The following TMEM87A variants were observed in gnomAD, a reference collection of about 807,000 sequenced individuals.
TMEM87A encodes the protein transmembrane protein 87A.
TMEM87A carries 50 observed loss-of-function variants against 90.0 expected under a neutral mutation model. The ratio of observed to expected loss-of-function variants is 0.56; its 90% CI spans 0.44 to 0.70. TMEM87A has a LOEUF of 0.70. TMEM87A is among the 30% of genes least tolerant of loss of function. The pLI is 0.00. For synonymous variants in TMEM87A, 226 were observed against 226.7 expected (o/e 1.00, Z 0.03); for missense variants, 577 against 660.5 (o/e 0.87, Z 1.39).
chr15:42,239,284 G>A (rs1289732513), intron 8 of TMEM87A, among the ~76,000 whole-genome samples: 5 of 152,142 alleles, frequency 3.3e-5, no homozygotes, highest in African/African-American at 1.2e-4. Context: ...CAAGTGATCT[G>A]CCCGCCTCAG....
intron 17 of TMEM87A, among the ~76,000 whole-genome samples, chr15:42,218,706 T>C (rs2050422537): frequency 6.6e-6 from 1 of 152,190 alleles, no homozygotes; most frequent in African/African-American, 2.4e-5. Flanking sequence ...CATAGTATCT[T>C]CCAGGCTTCT....
At chr15:42,218,191 G>C in intron 18 of TMEM87A, 132 bp downstream of exon 18, 3 of 909,852 alleles carry the variant, frequency 3.3e-6, no homozygotes, top group Non-Finnish European at 5.0e-6. Context: ...TTTTGTTTGC[G>C]GATTATTCCT....
intron 11 of TMEM87A, among the ~76,000 whole-genome samples, chr15:42,232,671 A>G (rs1191095192): frequency 2.7e-5 from 4 of 150,592 alleles, no homozygotes; most frequent in Non-Finnish European, 5.9e-5. Flanking sequence ...TTTAGTAGAG[A>G]CAGGGTTTCA....
At chr15:42,229,753 C>G (rs1030204634) in intron 12 of TMEM87A, among the ~76,000 whole-genome samples, 1 of 152,120 alleles carries the variant, frequency 6.6e-6, no homozygotes, top group Non-Finnish European at 1.5e-5. Context: ...GAACATTATT[C>G]TCAAGTAGAA....
chr15:42,213,861 A>C (rs1010773214), intron 19 of TMEM87A, among the ~76,000 whole-genome samples: 1 of 152,220 alleles, frequency 6.6e-6, no homozygotes, highest in Non-Finnish European at 1.5e-5. Context: ...AACATGGCCC[A>C]AACAAAGGAA....
intron 6 of TMEM87A, among the ~76,000 whole-genome samples, chr15:42,250,421 C>T (rs1488565298): frequency 2.6e-5 from 4 of 152,098 alleles, no homozygotes; most frequent in Non-Finnish European, 4.4e-5. Flanking sequence ...TTCCTTTCCA[C>T]GTTTAGTGCT....
At chr15:42,238,809 G>C (rs1224382353) in intron 8 of TMEM87A, among the ~76,000 whole-genome samples, 2 of 139,382 alleles carry the variant, frequency 1.4e-5, no homozygotes, top group Non-Finnish European at 3.1e-5. Flanking sequence ...AAATTATATA[G>C]ATGAAGACAA....
intron 15 of TMEM87A, among the ~76,000 whole-genome samples, chr15:42,222,652 G>A (rs567197190): frequency 7.2e-5 from 11 of 151,952 alleles, no homozygotes; most frequent in East Asian, 1.9e-4. Context: ...TCCGCCTCCC[G>A]GGTTCAAGCA....
chr15:42,234,768 CA>C (rs1419151706), intron 10 of TMEM87A, among the ~76,000 whole-genome samples: 1 of 152,130 alleles, frequency 6.6e-6, no homozygotes, highest in African/African-American at 2.4e-5. Flanking sequence ...ATCTCTTCAC[CA>C]AAACTATCAC....
intron 8 of TMEM87A, 79 bp from the exon 9 acceptor site, chr15:42,237,694 CTTTT>C: frequency 1.3e-6 from 1 of 789,040 alleles, no homozygotes. Context: ...TCAATATATA[CTTTT>C]TTTTTTTTTT....
chr15:42,260,915 C>T, intron 6 of TMEM87A, 43 bp downstream of exon 6: 1 of 1,582,252 alleles, frequency 6.3e-7, no homozygotes, highest in Non-Finnish European at 8.6e-7. Flanking sequence ...TTTAAGAAAA[C>T]TAAAATATGT....
intron 19 of TMEM87A, 95 bp downstream of exon 19, chr15:42,217,708 T>C (rs1372482940): frequency 8.0e-7 from 1 of 1,247,910 alleles, no homozygotes; most frequent in East Asian, 2.3e-5. Context: ...AGGCCACTAC[T>C]GAGTCAAATA....
intron 6 of TMEM87A, among the ~76,000 whole-genome samples, chr15:42,248,613 T>C (rs558349771): frequency 6.6e-6 from 1 of 152,284 alleles, no homozygotes; most frequent in East Asian, 1.9e-4. Context: ...TGAACCACCC[T>C]TGCATCCCAG....
chr15:42,253,263 T>C (rs2051118360), intron 6 of TMEM87A, among the ~76,000 whole-genome samples: 1 of 152,224 alleles, frequency 6.6e-6, no homozygotes, highest in African/African-American at 2.4e-5. Flanking sequence ...TGATCGTATG[T>C]CCAGTCTTGA....
chr15:42,218,837 G>T (rs1334951928), intron 17 of TMEM87A: 1 of 157,904 alleles, frequency 6.3e-6, no homozygotes, highest in African/African-American at 2.4e-5. Context: ...GGTTGATTCT[G>T]TATCTTGGCT....
rs560829889 is a variant in TMEM87A at position 42,237,741 on chromosome 15, T to C, written c.685-126A>G. The C allele has an allele frequency of 2.8e-5, 23 of 832,704 alleles. No homozygotes were observed. In the East Asian group the frequency reaches 4.8e-4, roughly 18 times the overall value. The allele number at this position is 832,704 out of a possible 1,614,324, so 51.6% of individuals were successfully genotyped here. On this transcript the variant is annotated intron_variant, in intron 8 of 19. Coordinates refer to ENST00000389834, the MANE Select transcript of TMEM87A (RefSeq NM_015497.5). ...TGGGGATTTGCTATGTTGCCTAGGA[T>C]GGTCTTGAACTTCTGGACTCAAGCA... is the stretch of plus-strand genomic sequence containing the variant.
At chr15:42,260,422 A>G (rs1391116933) in intron 6 of TMEM87A, among the ~76,000 whole-genome samples, 3 of 152,212 alleles carry the variant, frequency 2.0e-5, no homozygotes, top group Non-Finnish European at 4.4e-5. Context: ...ATACCTTCAT[A>G]AAGTTGTTAT....
intron 6 of TMEM87A, among the ~76,000 whole-genome samples, chr15:42,245,084 G>A (rs536499806): frequency 1.3e-5 from 2 of 152,140 alleles, no homozygotes; most frequent in Admixed American, 1.3e-4. Flanking sequence ...AAAAATCCAT[G>A]TCAAACAAAG....
In TMEM87A at chr15:42,261,208, T is replaced by G; in HGVS notation, c.447A>C (p.Gly149=). Residue 149 remains glycine (G), a synonymous_variant, in exon 5 of 20, where the codon GGA becomes GGC. Transcript: ENST00000389834. ...TGAAAACAATTACCTCCTGTTTTTC[T>G]CCTAAAAGAGGCAGTCGATGCATAA... is the stretch of plus-strand genomic sequence containing the variant. ...GDFMHRLPLL[G]EKQEAKENGT... The G allele has an allele frequency of 6.2e-7, 1 of 1,613,356 alleles. No homozygotes were observed. Among genetic ancestry groups the G allele is most frequent in the Non-Finnish European group, 8.5e-7 (1 of 1,179,774 alleles).
Sources: allele counts gnomAD v4.1 joint callset (sites outside exome capture counted in the v4.1 genomes callset), GRCh38; gene constraint gnomAD v4.1.1; transcripts MANE v1.5; gene names NCBI Gene and HGNC (gene_info 2026-07-23, HGNC 2026-07-21).